DOCK3: variants seen among roughly 807,000 people sequenced by gnomAD.
DOCK3 encodes the protein dedicator of cytokinesis 3.
Under a neutral mutation model 265.6 loss-of-function variants are expected in DOCK3, and 60 were observed. The ratio of observed to expected loss-of-function variants is 0.23; its 90% CI spans 0.18 to 0.28. DOCK3 has a LOEUF of 0.28. Among genes scored for constraint, DOCK3 ranks in the 10% least tolerant of loss-of-function variants. DOCK3 has a pLI of 1.00. For missense variants in DOCK3, 1,981 were observed against 2,594.3 expected (o/e 0.76, Z 5.14); for synonymous variants, 881 against 938.0 (o/e 0.94, Z 1.11).
intron 26 of DOCK3, 54 bp downstream of exon 26, chr3:51,277,808 C>T (rs1372197771): frequency 2.6e-6 from 4 of 1,566,748 alleles, no homozygotes; most frequent in Non-Finnish European, 3.5e-6. Flanking sequence ...CGGGGCTTCT[C>T]CACAACACTC....
intron 9 of DOCK3, among the ~76,000 whole-genome samples, chr3:51,128,142 A>G (rs189906721): frequency 5.3e-5 from 8 of 152,240 alleles, no homozygotes; most frequent in Non-Finnish European, 4.4e-5. Flanking sequence ...TGGAACTAAG[A>G]CCTCTAGGCC....
intron 2 of DOCK3, among the ~76,000 whole-genome samples, chr3:50,813,952 G>A (rs2043912920): frequency 2.6e-5 from 4 of 152,226 alleles, no homozygotes; most frequent in South Asian, 4.1e-4. Context: ...CAGTGCATAA[G>A]AATAGTAAAT....
Position 51,201,959 on chromosome 3 carries a change from G to A in DOCK3, c.1038-6815G>A, listed in dbSNP as rs560553497. ...AAGAAATGAAGGCAGAAATAAAGAT[G>A]TTCTTTGAAACCAATGAGAACAAAG... On this transcript the variant is annotated intron_variant, in intron 12 of 52. Coordinates refer to ENST00000266037, the MANE Select transcript of DOCK3 (RefSeq NM_004947.5). Among the ~76,000 whole-genome samples, 1,242 of 152,232 alleles carry A rather than the reference G, an allele frequency of 8.2e-3. 16 individuals carry two copies. The highest frequency in any genetic ancestry group is 0.028 in the African/African-American group (1,177 of 41,538).
chr3:50,811,226 T>TA (rs11398205), intron 2 of DOCK3, among the ~76,000 whole-genome samples: 116,371 of 151,614 alleles, frequency 0.77, 45,606 homozygotes, highest in Middle Eastern at 0.88. Context: ...CCTGTCTCTA[T>TA]AAAAAAGAGA....
intron 41 of DOCK3, among the ~76,000 whole-genome samples, chr3:51,355,425 A>G (rs1406708682): frequency 6.6e-6 from 1 of 152,132 alleles, no homozygotes; most frequent in Admixed American, 6.5e-5. Flanking sequence ...CTCCACTCCC[A>G]TGTGTACTAT....
rs2085315995 is a variant in DOCK3, at chr3:51,146,619, G to A, written c.817G>A (p.Ala273Thr). The change falls in exon 10 of 53, where the codon GCC becomes ACC. Residue 273 changes from alanine to threonine, a missense_variant. Transcript: ENST00000266037. Reference protein sequence around the residue: ...RNPEKIERMCALFTDLSSKDM... With the variant: ...RNPEKIERMCTLFTDLSSKDM... ...CCCAGAGAAGATAGAACGAATGTGT[G>A]CCCTTTTTACAGTATGTACGAATTC... 2 of 1,588,378 alleles carry A rather than the reference G, an allele frequency of 1.3e-6. No individual in the cohort carries two copies. The highest frequency in any genetic ancestry group is 1.7e-6 in the Non-Finnish European group (2 of 1,166,504).
intron 38 of DOCK3, among the ~76,000 whole-genome samples, chr3:51,342,403 C>T (rs1408327619): frequency 6.6e-6 from 1 of 152,198 alleles, no homozygotes; most frequent in Non-Finnish European, 1.5e-5. Flanking sequence ...GCAACTGATC[C>T]ACAATGCTGA....
intron 4 of DOCK3, among the ~76,000 whole-genome samples, chr3:50,917,467 AT>A (rs1455684665): frequency 6.6e-6 from 1 of 151,964 alleles, no homozygotes; most frequent in Non-Finnish European, 1.5e-5. Flanking sequence ...TTGCATCCAT[AT>A]TATTTTTTAG....
At chr3:51,188,466 C>G (rs1051563347) in intron 12 of DOCK3, among the ~76,000 whole-genome samples, 2 of 152,066 alleles carry the variant, frequency 1.3e-5, no homozygotes, top group Non-Finnish European at 2.9e-5. Context: ...GGGTGTCCAC[C>G]ACGCAAGTAC....
intron 2 of DOCK3, among the ~76,000 whole-genome samples, chr3:50,806,344 G>A (rs1036229411): frequency 6.6e-6 from 1 of 152,052 alleles, no homozygotes; most frequent in Non-Finnish European, 1.5e-5. Context: ...TGACCTGGGG[G>A]CACACCTGTG....
intron 27 of DOCK3, among the ~76,000 whole-genome samples, chr3:51,301,186 G>T (rs542406335): frequency 6.6e-6 from 1 of 152,124 alleles, no homozygotes; most frequent in Non-Finnish European, 1.5e-5. Context: ...TAATTTACAT[G>T]CCTAAAGGTG....
intron 12 of DOCK3, among the ~76,000 whole-genome samples, chr3:51,166,185 G>T (rs1361715775): frequency 2.0e-5 from 3 of 151,668 alleles, no homozygotes; most frequent in Admixed American, 2.0e-4. Flanking sequence ...CGAGTAGCTG[G>T]TATTACAGGT....
At chr3:51,114,708 G>A (rs1051636615) in intron 9 of DOCK3, among the ~76,000 whole-genome samples, 14 of 152,074 alleles carry the variant, frequency 9.2e-5, no homozygotes, top group Non-Finnish European at 2.1e-4. Context: ...GAACATGCAG[G>A]TTTGTTACAT....
chr3:50,855,663 T>C (rs1470309931), intron 3 of DOCK3, among the ~76,000 whole-genome samples: 1 of 151,952 alleles, frequency 6.6e-6, no homozygotes, highest in Non-Finnish European at 1.5e-5. Context: ...TCTTATTTAT[T>C]TATTTATTTA....
At chr3:50,961,359 C>G (rs2076881009) in intron 5 of DOCK3, among the ~76,000 whole-genome samples, 1 of 152,006 alleles carries the variant, frequency 6.6e-6, no homozygotes, top group Admixed American at 6.6e-5. Context: ...AGGATACATG[C>G]AAAAGAAAGA....
intron 5 of DOCK3, among the ~76,000 whole-genome samples, chr3:51,022,065 T>C (rs1299976533): frequency 1.3e-5 from 2 of 152,220 alleles, no homozygotes. Flanking sequence ...TATAAAGCCT[T>C]GCTTATCTTT....
chr3:51,275,170 T>C lies in DOCK3; in HGVS notation c.2640T>C (p.Leu880=). The C allele has an allele frequency of 6.2e-7, 1 of 1,614,028 alleles. No homozygotes were observed. Among genetic ancestry groups the C allele is most frequent in the Non-Finnish European group, 8.5e-7 (1 of 1,179,880 alleles). The change falls in exon 25 of 53, where the codon CTT becomes CTC. Residue 880 remains leucine, a synonymous_variant. Transcript: ENST00000266037. The part of the protein sequence containing the change: ...QKELLICSGI[L]GSIFSIVKTS... ...AGCTGCTAATTTGCTCAGGGATTCT[T>C]GGCAGCATCTTCTCCATCGTCAAGA...
chr3:51,265,616 T>C (rs1161730132), intron 23 of DOCK3, among the ~76,000 whole-genome samples: 1 of 152,188 alleles, frequency 6.6e-6, no homozygotes, highest in Non-Finnish European at 1.5e-5. Flanking sequence ...ATTATCTCAA[T>C]AGATGCAGAA....
intron 12 of DOCK3, among the ~76,000 whole-genome samples, chr3:51,200,044 C>A (rs2088614539): frequency 6.6e-6 from 1 of 152,012 alleles, no homozygotes; most frequent in Non-Finnish European, 1.5e-5. Context: ...ACATCACCAT[C>A]ATCAAAGACC....
Sources: gnomAD v4.1 joint callset for allele counts (sites outside exome capture counted in the v4.1 genomes callset) on GRCh38, gnomAD v4.1.1 for gene constraint, MANE v1.5 for transcripts, NCBI Gene and HGNC (gene_info 2026-07-23, HGNC 2026-07-21) for gene names.